The following LRRTM4 variants were observed in gnomAD, a reference collection of about 807,000 sequenced individuals.
LRRTM4 encodes leucine-rich repeat transmembrane neuronal protein 4.
Under a neutral mutation model 47.6 loss-of-function variants are expected in LRRTM4, and 25 were observed. The ratio of observed to expected loss-of-function variants is 0.53; its 90% CI spans 0.38 to 0.73. The LOEUF (loss-of-function observed/expected upper bound fraction) is 0.73, where lower values mean the gene tolerates loss of function less well. Among genes scored for constraint, LRRTM4 ranks in the 30% least tolerant of loss-of-function variants. The pLI is 0.00. For synonymous variants in LRRTM4, 311 were observed against 269.5 expected (o/e 1.15, Z -1.51); for missense variants, 638 against 713.4 (o/e 0.89, Z 1.20).
intron 3 of LRRTM4, among the ~76,000 whole-genome samples, chr2:77,234,977 G>T (rs1675064767): frequency 6.6e-6 from 1 of 152,100 alleles, no homozygotes; most frequent in South Asian, 2.1e-4. Flanking sequence ...GTGATAACAG[G>T]CAGTATTTAG....
chr2:76,957,375 G>C (rs150279388), intron 3 of LRRTM4, among the ~76,000 whole-genome samples: 78 of 151,754 alleles, frequency 5.1e-4, no homozygotes, highest in Non-Finnish European at 8.4e-4. Flanking sequence ...TACTGTACAC[G>C]TATGTTAAAA....
intron 3 of LRRTM4, among the ~76,000 whole-genome samples, chr2:77,040,805 T>C (rs964005164): frequency 6.6e-6 from 1 of 151,446 alleles, no homozygotes; most frequent in South Asian, 2.1e-4. Context: ...TGTTTTTCAC[T>C]GATACACGAT....
chr2:77,481,474 T>A (rs927273743), intron 3 of LRRTM4, among the ~76,000 whole-genome samples: 1 of 152,140 alleles, frequency 6.6e-6, no homozygotes, highest in African/African-American at 2.4e-5. Flanking sequence ...ATTCTACCTT[T>A]GACAAGGGAC....
chr2:77,007,816 C>A (rs1036117909), intron 3 of LRRTM4, among the ~76,000 whole-genome samples: 6 of 152,126 alleles, frequency 3.9e-5, no homozygotes, highest in South Asian at 2.1e-4. Context: ...CCTAATTACT[C>A]TCCTGGAATC....
At chr2:77,172,547 C>T (rs538799442) in intron 3 of LRRTM4, among the ~76,000 whole-genome samples, 17 of 152,176 alleles carry the variant, frequency 1.1e-4, no homozygotes, top group Admixed American at 4.6e-4. Flanking sequence ...TGAGCCAAGT[C>T]GTGCCACTGC....
intron 3 of LRRTM4, among the ~76,000 whole-genome samples, chr2:76,894,325 G>A (rs1464375316): frequency 2.0e-5 from 3 of 152,052 alleles, no homozygotes; most frequent in Non-Finnish European, 2.9e-5. Context: ...TGGCATAGTA[G>A]GTCCCCTTGG....
chr2:77,123,924 C>A (rs971177474), intron 3 of LRRTM4, among the ~76,000 whole-genome samples: 1 of 152,038 alleles, frequency 6.6e-6, no homozygotes, highest in African/African-American at 2.4e-5. Flanking sequence ...CTTTACATGC[C>A]ATTGCAAGGA....
chr2:77,136,201 G>A (rs1378849126), intron 3 of LRRTM4, among the ~76,000 whole-genome samples: 3 of 152,170 alleles, frequency 2.0e-5, no homozygotes, highest in African/African-American at 7.2e-5. Flanking sequence ...CCTGACCCCT[G>A]AGTAGCCTAA....
chr2:77,074,540 G>A (rs774447694), intron 3 of LRRTM4, among the ~76,000 whole-genome samples: 20 of 151,894 alleles, frequency 1.3e-4, no homozygotes, highest in Non-Finnish European at 2.8e-4. Flanking sequence ...TTCTGGTGAT[G>A]GAATTTCCAA....
chr2:76,929,438 T>G (rs552978474), intron 3 of LRRTM4, among the ~76,000 whole-genome samples: 1 of 152,282 alleles, frequency 6.6e-6, no homozygotes, highest in Admixed American at 6.5e-5. Flanking sequence ...ATCTGGACAT[T>G]TGCAGAGAAT....
At chr2:76,830,738 A>C (rs1249196496) in intron 3 of LRRTM4, among the ~76,000 whole-genome samples, 2 of 152,052 alleles carry the variant, frequency 1.3e-5, no homozygotes, top group Admixed American at 1.3e-4. Context: ...CTGGAAAAAC[A>C]AGAAATGGGG....
At chr2:76,845,231 CTG>C (rs1379689254) in intron 3 of LRRTM4, among the ~76,000 whole-genome samples, 1 of 152,150 alleles carries the variant, frequency 6.6e-6, no homozygotes, top group Admixed American at 6.5e-5. Context: ...TGGCTCACGT[CTG>C]TAATTCCAAC....
At chr2:77,028,211 T>A (rs1369661564) in intron 3 of LRRTM4, among the ~76,000 whole-genome samples, 2 of 152,056 alleles carry the variant, frequency 1.3e-5, no homozygotes, top group Admixed American at 6.6e-5. Context: ...AGAAGATGTA[T>A]CAGAACGTAG....
At chr2:77,157,450 T>C (rs1016382740) in intron 3 of LRRTM4, among the ~76,000 whole-genome samples, 1 of 152,202 alleles carries the variant, frequency 6.6e-6, no homozygotes, top group African/African-American at 2.4e-5. Context: ...ATAGACATCT[T>C]GATTATGGAC....
intron 3 of LRRTM4, among the ~76,000 whole-genome samples, chr2:77,028,966 C>T (rs144659007): frequency 2.7e-5 from 4 of 149,744 alleles, no homozygotes; most frequent in East Asian, 2.0e-4. Flanking sequence ...ACCCGGGAGG[C>T]GGAGCTTGCA....
intron 3 of LRRTM4, chr2:76,987,507 A>T (rs1676844800): frequency 6.6e-6 from 1 of 151,870 alleles, no homozygotes; most frequent in African/African-American, 2.4e-5. Flanking sequence ...GAGTTTCTAT[A>T]TATATTTTTG....
At chr2:77,378,245 A>G (rs781410871) in intron 3 of LRRTM4, among the ~76,000 whole-genome samples, 3 of 151,976 alleles carry the variant, frequency 2.0e-5, no homozygotes, top group Non-Finnish European at 2.9e-5. Context: ...ATTAGTCTCT[A>G]TATTTCAAAT....
intron 3 of LRRTM4, among the ~76,000 whole-genome samples, chr2:76,963,988 C>A (rs1200248934): frequency 6.6e-6 from 1 of 150,482 alleles, no homozygotes; most frequent in Admixed American, 6.6e-5. Flanking sequence ...ACAAATTATG[C>A]TTTTCATTAA....
At position 77,522,014 on chromosome 2, in the gene LRRTM4, G is replaced by A. The variant is rs1216528130; in HGVS notation, c.-148+95C>T. 1.1e-5 allele frequency: 8 copies of A among 698,544 alleles called. No homozygotes were observed. In the East Asian group the frequency reaches 2.2e-4, roughly 19 times the overall value. The allele number at this position is 698,544 out of a possible 1,614,324, so 43.3% of individuals were successfully genotyped here. A position where few individuals can be genotyped will look rare whatever the true frequency, so the allele number is the denominator to read the frequency against. ...GTAATTCACCAGAGACCCATCAGCA[G>A]TAATTGGCAATCTGTGCAAAAGAGC... On this transcript the variant is annotated intron_variant, in intron 1 of 3. Coordinates refer to ENST00000409884, the MANE Select transcript of LRRTM4 (RefSeq NM_001134745.3).
Sources: allele counts gnomAD v4.1 joint callset (sites outside exome capture counted in the v4.1 genomes callset), GRCh38; gene constraint gnomAD v4.1.1; transcripts MANE v1.5; gene names NCBI Gene and HGNC (gene_info 2026-07-23, HGNC 2026-07-21).